PLS1: variants seen among roughly 807,000 people sequenced by gnomAD.
The protein encoded by PLS1 is plastin-1.
Under a neutral mutation model 73.7 loss-of-function variants are expected in PLS1, and 32 were observed. That is an observed-to-expected ratio of 0.43 (90% CI 0.33 to 0.58). The LOEUF (loss-of-function observed/expected upper bound fraction) is 0.58, where lower values mean the gene tolerates loss of function less well. Among genes scored for constraint, PLS1 ranks in the 20% least tolerant of loss-of-function variants. PLS1 has a pLI of 0.04. For synonymous variants in PLS1, 217 were observed against 261.3 expected (o/e 0.83, Z 1.63); for missense variants, 633 against 740.5 (o/e 0.85, Z 1.68).
At chr3:142,669,347 T>C (rs1194959438) in intron 2 of PLS1, 43 bp from the exon 3 acceptor site, 3 of 1,204,428 alleles carry the variant, frequency 2.5e-6, no homozygotes, top group Non-Finnish European at 3.5e-6. Flanking sequence ...TTGTACACCT[T>C]CAACAAAGAT....
At chr3:142,600,066 T>C (rs1480019377) in intron 1 of PLS1, among the ~76,000 whole-genome samples, 1 of 152,096 alleles carries the variant, frequency 6.6e-6, no homozygotes, top group Non-Finnish European at 1.5e-5. Context: ...TTAATTTGAG[T>C]TGGTAGCAAG....
At chr3:142,610,932 C>T (rs566325503) in intron 1 of PLS1, among the ~76,000 whole-genome samples, 177 of 152,270 alleles carry the variant, frequency 1.2e-3, no homozygotes, top group Middle Eastern at 6.8e-3. Context: ...ACAGTCTAGA[C>T]CAGAAGTTGG....
intron 1 of PLS1, among the ~76,000 whole-genome samples, chr3:142,641,176 T>TA (rs1560044112): frequency 2.2e-4 from 28 of 126,332 alleles, no homozygotes; most frequent in Non-Finnish European, 2.7e-4. Flanking sequence ...ATATATATAT[T>TA]ATATATATAT....
chr3:142,644,552 T>A (rs900397424), intron 1 of PLS1, among the ~76,000 whole-genome samples: 3 of 152,196 alleles, frequency 2.0e-5, no homozygotes, highest in African/African-American at 7.2e-5. Context: ...GGTGCCTGAC[T>A]TCTTTAGTAG....
chr3:142,690,751 A>G (rs2038068895), intron 10 of PLS1, among the ~76,000 whole-genome samples: 1 of 152,224 alleles, frequency 6.6e-6, no homozygotes, highest in South Asian at 2.1e-4. Context: ...AGCTTACAGT[A>G]TATGAATCAT....
intron 1 of PLS1, among the ~76,000 whole-genome samples, chr3:142,638,440 C>T (rs1242548541): frequency 6.6e-6 from 1 of 152,176 alleles, no homozygotes; most frequent in Non-Finnish European, 1.5e-5. Flanking sequence ...CTTAATTGGT[C>T]TGTCTCTGAA....
chr3:142,624,686 C>T, intron 1 of PLS1, among the ~76,000 whole-genome samples: 1 of 152,338 alleles, frequency 6.6e-6, no homozygotes, highest in Non-Finnish European at 1.5e-5. Flanking sequence ...AAGACTTGCT[C>T]AGCTTTGTGA....
intron 11 of PLS1, among the ~76,000 whole-genome samples, chr3:142,695,188 A>ATT (rs1271123795): frequency 1.3e-5 from 2 of 151,096 alleles, no homozygotes; most frequent in Non-Finnish European, 3.0e-5. Flanking sequence ...AGCTAGTTGT[A>ATT]TTTTTTTTTA....
At chr3:142,709,768 G>A (rs1933028694) in intron 14 of PLS1, among the ~76,000 whole-genome samples, 2 of 149,784 alleles carry the variant, frequency 1.3e-5, no homozygotes, top group South Asian at 4.2e-4. Flanking sequence ...AGTGAGCCAA[G>A]ATGGCAACAC....
chr3:142,687,286 C>T (rs2037991040), intron 9 of PLS1, among the ~76,000 whole-genome samples: 2 of 151,466 alleles, frequency 1.3e-5, no homozygotes, highest in Non-Finnish European at 2.9e-5. Flanking sequence ...TTGTGTTGGG[C>T]CACATTCAAA....
intron 4 of PLS1, chr3:142,673,550 A>G (rs940579945): frequency 1.3e-5 from 2 of 152,010 alleles, no homozygotes; most frequent in Non-Finnish European, 2.9e-5. Context: ...TGTTAACTCT[A>G]TGTTTATCAT....
At chr3:142,605,532 A>G (rs1167595645) in intron 1 of PLS1, among the ~76,000 whole-genome samples, 1 of 152,118 alleles carries the variant, frequency 6.6e-6, no homozygotes, top group Admixed American at 6.6e-5. Flanking sequence ...CACCATGCCC[A>G]GCTAATTTTT....
At chr3:142,618,813 TGGTCCTG>T (rs1196373948) in intron 1 of PLS1, among the ~76,000 whole-genome samples, 1 of 152,220 alleles carries the variant, frequency 6.6e-6, no homozygotes. Flanking sequence ...GTGATTAGAT[TGGTCCTG>T]CCCAAATAAC....
intron 1 of PLS1, among the ~76,000 whole-genome samples, chr3:142,662,460 A>T (rs1437944175): frequency 6.6e-6 from 1 of 152,156 alleles, no homozygotes; most frequent in African/African-American, 2.4e-5. Context: ...AGAAATACCT[A>T]ATGTAGATGG....
chr3:142,683,364 C>T (rs1004445337), intron 6 of PLS1, among the ~76,000 whole-genome samples: 9 of 152,146 alleles, frequency 5.9e-5, no homozygotes, highest in African/African-American at 1.7e-4. Flanking sequence ...ACTGGCCGGG[C>T]GTGGTGGCGG....
chr3:142,626,903 A>G (rs796352181), intron 1 of PLS1, among the ~76,000 whole-genome samples: 12 of 152,346 alleles, frequency 7.9e-5, no homozygotes, highest in African/African-American at 2.9e-4. Context: ...CAAATGCTGG[A>G]AGTGAAAAAA....
At chr3:142,661,570 A>G (rs924439970) in intron 1 of PLS1, among the ~76,000 whole-genome samples, 11 of 152,214 alleles carry the variant, frequency 7.2e-5, no homozygotes, top group Admixed American at 2.6e-4. Context: ...TCAATGATCA[A>G]TGAAATTTCA....
At chr3:142,681,789 A>C (rs1560066315) in intron 6 of PLS1, among the ~76,000 whole-genome samples, 1 of 152,212 alleles carries the variant, frequency 6.6e-6, no homozygotes, top group Non-Finnish European at 1.5e-5. Context: ...TGGCCGTTCC[A>C]TTCCCTACTA....
At chr3:142,691,002 T>C (rs1358831416) in intron 10 of PLS1, among the ~76,000 whole-genome samples, 1 of 151,980 alleles carries the variant, frequency 6.6e-6, no homozygotes, top group Non-Finnish European at 1.5e-5. Context: ...GTGGGGAGAG[T>C]ATGATGTGCG....
Sources: allele counts gnomAD v4.1 joint callset (sites outside exome capture counted in the v4.1 genomes callset), GRCh38; gene constraint gnomAD v4.1.1; transcripts MANE v1.5; gene names NCBI Gene and HGNC (gene_info 2026-07-23, HGNC 2026-07-21).